Variants in FAM107B observed in about 807,000 individuals in gnomAD.
FAM107B encodes family with sequence similarity 107 member B.
FAM107B carries 21 observed loss-of-function variants against 31.5 expected under a neutral mutation model. The observed-to-expected ratio is 0.67, with a 90% CI of 0.47 to 0.96. FAM107B has a LOEUF of 0.96. Ranked by LOEUF, FAM107B falls within the 40% of genes least tolerant of loss-of-function variation. FAM107B has a pLI of 0.00. For synonymous variants in FAM107B, 157 were observed against 141.5 expected, an observed-to-expected ratio of 1.11 and a Z score of -0.78; for missense variants, 452 against 377.1, an observed-to-expected ratio of 1.20 and a Z score of -1.64.
At chr10:14,746,841 A>G (rs1832735266) in intron 1 of FAM107B, among the ~76,000 whole-genome samples, 1 of 152,126 alleles carries the variant, frequency 6.6e-6, no homozygotes. Context: ...ATGTTGATCT[A>G]TCTTGTCAGG....
chr10:14,706,022 T>A (rs1042196670), intron 1 of FAM107B, among the ~76,000 whole-genome samples: 1 of 152,134 alleles, frequency 6.6e-6, no homozygotes, highest in African/African-American at 2.4e-5. Context: ...ATCAGGCAAA[T>A]TAACATACCC....
intron 2 of FAM107B, among the ~76,000 whole-genome samples, chr10:14,557,532 TGA>T (rs745805128): frequency 6.6e-6 from 1 of 152,102 alleles, no homozygotes; most frequent in Non-Finnish European, 1.5e-5. Context: ...TGTAATGTCT[TGA>T]TTAAAATGGG....
intron 1 of FAM107B, among the ~76,000 whole-genome samples, chr10:14,752,554 C>T (rs898620817): frequency 2.0e-5 from 3 of 152,172 alleles, no homozygotes; most frequent in Admixed American, 1.3e-4. Flanking sequence ...AAGTGAACCA[C>T]GCTGTGGAGT....
intron 2 of FAM107B, among the ~76,000 whole-genome samples, chr10:14,649,870 G>A (rs1853855665): frequency 6.6e-6 from 1 of 152,146 alleles, no homozygotes; most frequent in African/African-American, 2.4e-5. Context: ...TTGGCACATT[G>A]TTTGACCATT....
intron 1 of FAM107B, among the ~76,000 whole-genome samples, chr10:14,683,866 T>G (rs1176091928): frequency 6.6e-6 from 1 of 152,236 alleles, no homozygotes; most frequent in East Asian, 1.9e-4. Flanking sequence ...TACACATGCA[T>G]GTCCCCCGGC....
rs1167020921 is a variant in FAM107B at position 14,671,877 on chromosome 10, AAAAAAAACAAAAAAAC to A, written c.412-4202_412-4187del. 6.4e-5 allele frequency among the ~76,000 whole-genome samples: 3 copies of A among 46,526 alleles called. No homozygotes were observed. In the Admixed American group the frequency reaches 6.7e-4, roughly 10 times the overall value. 30.5% of individuals were successfully genotyped at this position (46,526 alleles called of 152,430 possible). On this transcript the variant is annotated intron_variant, in intron 1 of 4. Coordinates refer to ENST00000181796, the MANE Select transcript of FAM107B (RefSeq NM_031453.4). ...CTAATACACTCCCTTTTATTTAAAA[AAAAAAAACAAAAAAAC>A]AAAAAAAAAACCCTCTATTTCTTTT...
intron 2 of FAM107B, among the ~76,000 whole-genome samples, chr10:14,567,876 G>A (rs1391988346): frequency 6.6e-6 from 1 of 152,134 alleles, no homozygotes; most frequent in Non-Finnish European, 1.5e-5. Context: ...CCTAGTTTGA[G>A]CACTGAAAGT....
At position 14,521,983 on chromosome 10, in the gene FAM107B, C is replaced by T. The variant is rs1206461488; in HGVS notation, c.690G>A (p.Lys230=). Reference sequence around the variant, plus strand: ...GGTCTCGTTTTCTTTTTTCCATCACCTTCTGCAATTCTGGTTTGTTCTGAG... The same window carrying T: ...GGTCTCGTTTTCTTTTTTCCATCACTTTCTGCAATTCTGGTTTGTTCTGAG... ...LAPQNKPELQ[K]VMEKRKRDQV... Residue 230 remains lysine (K), a synonymous_variant, in exon 4 of 5, where the codon AAG becomes AAA. Coordinates refer to ENST00000181796, the MANE Select transcript of FAM107B (RefSeq NM_031453.4). 3.7e-6 allele frequency: 6 copies of T among 1,614,064 alleles called. No individual in the cohort carries two copies. Among genetic ancestry groups the T allele is most frequent in the East Asian group, 2.2e-5 (1 of 44,892 alleles).
chr10:14,674,948 T>C (rs1197730302), intron 1 of FAM107B, among the ~76,000 whole-genome samples: 4 of 152,062 alleles, frequency 2.6e-5, no homozygotes, highest in Non-Finnish European at 4.4e-5. Context: ...CACGTTGTGC[T>C]CCGAAAGTGC....
At chr10:14,710,468 ACACACACAC>A in intron 1 of FAM107B, among the ~76,000 whole-genome samples, 1 of 149,072 alleles carries the variant, frequency 6.7e-6, no homozygotes, top group African/African-American at 2.5e-5. Context: ...ACACACACAC[ACACACACAC>A]AAAATGTTTA....
intron 2 of FAM107B, among the ~76,000 whole-genome samples, chr10:14,624,950 C>T (rs75389348): frequency 0.037 from 5,573 of 152,066 alleles, 310 homozygotes; most frequent in African/African-American, 0.11. Context: ...TGTGGCCGGG[C>T]GTGGTGGCTC....
At chr10:14,656,209 TGAG>T (rs1854050391) in intron 2 of FAM107B, among the ~76,000 whole-genome samples, 1 of 152,130 alleles carries the variant, frequency 6.6e-6, no homozygotes, top group Non-Finnish European at 1.5e-5. Flanking sequence ...CAGGAAACAC[TGAG>T]GAGTAGAGCA....
chr10:14,620,185 A>AT (rs1439820140), intron 2 of FAM107B, among the ~76,000 whole-genome samples: 1 of 151,740 alleles, frequency 6.6e-6, no homozygotes, highest in South Asian at 2.1e-4. Flanking sequence ...TGCCCAGCTA[A>AT]TTTTTGTATT....
chr10:14,575,113 G>A (rs1235939599), intron 2 of FAM107B, among the ~76,000 whole-genome samples: 1 of 152,174 alleles, frequency 6.6e-6, no homozygotes, highest in African/African-American at 2.4e-5. Context: ...TTCTTGCACT[G>A]AATAAAGCAG....
intron 2 of FAM107B, among the ~76,000 whole-genome samples, chr10:14,632,973 C>A (rs949250273): frequency 6.6e-6 from 1 of 152,074 alleles, no homozygotes; most frequent in African/African-American, 2.4e-5. Flanking sequence ...CCAAGGCGGG[C>A]AGATCACTCG....
At chr10:14,747,283 G>A (rs1393550276) in intron 1 of FAM107B, among the ~76,000 whole-genome samples, 1 of 152,180 alleles carries the variant, frequency 6.6e-6, no homozygotes, top group Non-Finnish European at 1.5e-5. Flanking sequence ...GCCTTCTGAA[G>A]CCAACTTCTG....
At chr10:14,629,689 A>G (rs1853302935) in intron 2 of FAM107B, among the ~76,000 whole-genome samples, 1 of 148,852 alleles carries the variant, frequency 6.7e-6, no homozygotes, top group African/African-American at 2.5e-5. Flanking sequence ...ATTTTTTTGT[A>G]TTTTTAGTAG....
intron 2 of FAM107B, among the ~76,000 whole-genome samples, chr10:14,653,170 T>C (rs1853946149): frequency 6.6e-6 from 1 of 152,240 alleles, no homozygotes; most frequent in Non-Finnish European, 1.5e-5. Flanking sequence ...TATTTACAAT[T>C]AAGGCCAAAT....
At chr10:14,751,493 A>G (rs890355869) in intron 1 of FAM107B, among the ~76,000 whole-genome samples, 2 of 149,752 alleles carry the variant, frequency 1.3e-5, no homozygotes, top group Non-Finnish European at 2.9e-5. Flanking sequence ...GAGTGAACTT[A>G]TATGGGATTT....
Sources: allele counts gnomAD v4.1 joint callset (sites outside exome capture counted in the v4.1 genomes callset), GRCh38; gene constraint gnomAD v4.1.1; transcripts MANE v1.5; gene names NCBI Gene and HGNC (gene_info 2026-07-23, HGNC 2026-07-21).